Variants in ELL2 observed in about 807,000 individuals in gnomAD.
ELL2 encodes the protein RNA polymerase II elongation factor ELL2.
A neutral mutation model predicts 72.8 loss-of-function variants in ELL2; 21 were observed. The observed-to-expected ratio is 0.29, with a 90% CI of 0.20 to 0.42. The LOEUF (loss-of-function observed/expected upper bound fraction) is 0.42. Among genes scored for constraint, ELL2 ranks in the 10% least tolerant of loss-of-function variants. ELL2 has a pLI of 1.00. For synonymous variants in ELL2, 266 were observed against 283.2 expected, an observed-to-expected ratio of 0.94 and a Z score of 0.61; for missense variants, 568 against 772.8, an observed-to-expected ratio of 0.73 and a Z score of 3.14.
At chr5:95,927,820 G>A (rs1188026169) in intron 2 of ELL2, among the ~76,000 whole-genome samples, 1 of 59,872 alleles carries the variant, frequency 1.7e-5, no homozygotes, top group Non-Finnish European at 2.9e-5. Context: ...TGTGTATATA[G>A]ACATACACAC....
intron 2 of ELL2, among the ~76,000 whole-genome samples, chr5:95,936,220 A>G (rs1750767014): frequency 1.3e-5 from 2 of 152,212 alleles, no homozygotes; most frequent in Admixed American, 6.5e-5. Flanking sequence ...TTTGAAGGCC[A>G]CTCATTTACT....
intron 2 of ELL2, among the ~76,000 whole-genome samples, chr5:95,930,084 T>C (rs762440239): frequency 1.5e-4 from 23 of 152,226 alleles, no homozygotes; most frequent in Admixed American, 3.9e-4. Flanking sequence ...AATGTAACCA[T>C]ACTAAATAAT....
At chr5:95,951,154 G>A (rs1052403635) in intron 1 of ELL2, among the ~76,000 whole-genome samples, 3 of 151,326 alleles carry the variant, frequency 2.0e-5, no homozygotes, top group African/African-American at 7.3e-5. Flanking sequence ...TGGATCACAA[G>A]GTCAGGATAT....
At position 95,919,514 on chromosome 5, in the gene ELL2, T is replaced by C. The variant is rs771004926; in HGVS notation, c.227A>G (p.Asn76Ser). Reference protein sequence around the residue: ...LVKIPKNDPLNEVHNFNFYLS... With the variant: ...LVKIPKNDPLSEVHNFNFYLS... The stretch of plus-strand genomic sequence containing the variant: ...ATAAAAGTTAAAGTTATGAACTTCA[T>C]TGAGGGGATCATTTTTGGGAATTTT... Residue 76 changes from asparagine to serine, a missense_variant, in exon 3 of 12, where the codon AAT (asparagine) becomes AGT (serine). This residue lies in a region of ELL2 where 511 missense variants were observed against 728.4 expected (regional missense o/e 0.70). Transcript: ENST00000237853. The C allele has an allele frequency of 1.7e-5, 26 of 1,574,632 alleles. No homozygotes were observed. The highest frequency in any genetic ancestry group is 2.2e-5 in the Non-Finnish European group (26 of 1,166,336).
intron 2 of ELL2, among the ~76,000 whole-genome samples, chr5:95,942,122 TA>T (rs1750991009): frequency 6.6e-6 from 1 of 152,206 alleles, no homozygotes; most frequent in Non-Finnish European, 1.5e-5. Context: ...TTTCCAGTTA[TA>T]AAGGTTAGAA....
At chr5:95,927,706 C>T (rs200165256) in intron 2 of ELL2, among the ~76,000 whole-genome samples, 1 of 48,416 alleles carries the variant, frequency 2.1e-5, no homozygotes, top group Non-Finnish European at 3.6e-5. Context: ...TATAGACATA[C>T]ACACACACAT....
chr5:95,912,094 G>A (rs977857830), intron 4 of ELL2, among the ~76,000 whole-genome samples: 10 of 152,188 alleles, frequency 6.6e-5, no homozygotes, highest in Non-Finnish European at 8.8e-5. Context: ...AAGAAACCTT[G>A]CAAGTTCTAA....
intron 2 of ELL2, among the ~76,000 whole-genome samples, chr5:95,936,407 G>A (rs1336598474): frequency 6.6e-6 from 1 of 152,186 alleles, no homozygotes; most frequent in African/African-American, 2.4e-5. Context: ...ATTGTTTTAA[G>A]TCCAGGTTTC....
chr5:95,906,928 G>T (rs1031590863), intron 4 of ELL2, 146 bp from the exon 5 acceptor site: 4 of 755,086 alleles, frequency 5.3e-6, no homozygotes, highest in Middle Eastern at 2.7e-4. Flanking sequence ...AAGAAGGCAT[G>T]CAAACAGAAA....
At position 95,896,695 on chromosome 5, in the gene ELL2, C is replaced by A. The variant is rs144558887; in HGVS notation, c.1526-1004G>T. Among the ~76,000 whole-genome samples, 237 of 152,208 alleles carry A rather than the reference C, an allele frequency of 1.6e-3. 2 individuals carry two copies. Among genetic ancestry groups the A allele is most frequent in the Admixed American group, 0.012 (183 of 15,298 alleles). ...TTCTGCCATAGACACCAGATAAATT[C>A]CAAAAAATGCAGGGGATGTGGGTCT... is the stretch of plus-strand genomic sequence containing the variant. On this transcript the variant is annotated intron_variant, in intron 8 of 11. Transcript: ENST00000237853.
chr5:95,948,378 C>T (rs187172266), intron 1 of ELL2, among the ~76,000 whole-genome samples: 2,282 of 137,920 alleles, frequency 0.017, 57 homozygotes, highest in African/African-American at 0.059. Flanking sequence ...TGCAGTGAGC[C>T]GAGATGGCGC....
At chr5:95,919,841 A>C (rs1385709863) in intron 2 of ELL2, among the ~76,000 whole-genome samples, 1 of 152,200 alleles carries the variant, frequency 6.6e-6, no homozygotes, top group Non-Finnish European at 1.5e-5. Context: ...GCAAATGGTT[A>C]CAGTTCTTAT....
At chr5:95,928,544 G>A (rs1412291924) in intron 2 of ELL2, among the ~76,000 whole-genome samples, 3 of 152,134 alleles carry the variant, frequency 2.0e-5, no homozygotes, top group Admixed American at 6.5e-5. Context: ...ATCCTGATGA[G>A]TGAAATTTGA....
chr5:95,925,819 C>T (rs891355750), intron 2 of ELL2, among the ~76,000 whole-genome samples: 68 of 152,142 alleles, frequency 4.5e-4, no homozygotes, highest in African/African-American at 1.5e-3. Context: ...ACCTCCCCTC[C>T]GGCATCCCAG....
chr5:95,886,230 G>A lies in ELL2; in HGVS notation c.*2641C>T, dbSNP rs989335724. 1 of 152,136 alleles carries A rather than the reference G, an allele frequency of 6.6e-6. No individual in the cohort carries two copies. Among genetic ancestry groups the A allele is most frequent in the Non-Finnish European group, 1.5e-5 (1 of 68,014 alleles). 9.4% of individuals were successfully genotyped at this position (152,136 alleles called of 1,614,324 possible). A position where few individuals can be genotyped will look rare whatever the true frequency, so the allele number is the denominator to read the frequency against. Reference sequence around the variant, plus strand: ...ATCTAAAAGTCTTGCAGTAGGGGACGAAAAATGATTATAAATATTTTAATA... The same window carrying A: ...ATCTAAAAGTCTTGCAGTAGGGGACAAAAAATGATTATAAATATTTTAATA... On this transcript the variant is annotated 3_prime_UTR_variant, in exon 12 of 12. Coordinates refer to ENST00000237853, the MANE Select transcript of ELL2 (RefSeq NM_012081.6).
chr5:95,954,649 C>G (rs1190759127), intron 1 of ELL2, among the ~76,000 whole-genome samples: 53 of 138,898 alleles, frequency 3.8e-4, no homozygotes, highest in African/African-American at 1.3e-3. Context: ...ACCGTGTTAG[C>G]CAGGATGGTC....
chr5:95,894,451 T>G (rs1268876009), intron 9 of ELL2, among the ~76,000 whole-genome samples: 1 of 152,192 alleles, frequency 6.6e-6, no homozygotes, highest in African/African-American at 2.4e-5. Context: ...TTTAAAGACT[T>G]CTAAGGAGAA....
intron 4 of ELL2, among the ~76,000 whole-genome samples, chr5:95,907,277 G>GATATATATAT (rs748817419): frequency 9.2e-5 from 11 of 119,904 alleles, no homozygotes; most frequent in Middle Eastern, 4.9e-3. Context: ...ATCCGTTAGT[G>GATATATATAT]ATATATATAT....
At chr5:95,906,017 T>C (rs1025360265) in intron 5 of ELL2, among the ~76,000 whole-genome samples, 1 of 152,192 alleles carries the variant, frequency 6.6e-6, no homozygotes, top group Admixed American at 6.5e-5. Flanking sequence ...TTTCATATGC[T>C]TTTATGCAGA....
Sources: allele counts gnomAD v4.1 joint callset (sites outside exome capture counted in the v4.1 genomes callset), GRCh38; gene constraint gnomAD v4.1.1; regional missense constraint gnomAD v4.1.1; transcripts MANE v1.5; gene names NCBI Gene and HGNC (gene_info 2026-07-23, HGNC 2026-07-21).